PLCXD3: variants seen among roughly 807,000 people sequenced by gnomAD.
PLCXD3 encodes the protein phosphatidylinositol specific phospholipase C X domain containing 3.
Under a neutral mutation model 25.5 loss-of-function variants are expected in PLCXD3, and 19 were observed. That is an observed-to-expected ratio of 0.75 (90% CI 0.52 to 1.09). PLCXD3 has a LOEUF of 1.09. Ranked by LOEUF, PLCXD3 falls within the 50% of genes least tolerant of loss-of-function variation. PLCXD3 has a pLI of 0.00. For synonymous variants in PLCXD3, 174 were observed against 137.6 expected (o/e 1.26, Z -1.85); for missense variants, 411 against 388.1 (o/e 1.06, Z -0.50).
At chr5:41,368,868 G>A (rs964969462) in intron 2 of PLCXD3, among the ~76,000 whole-genome samples, 1 of 152,148 alleles carries the variant, frequency 6.6e-6, no homozygotes, top group African/African-American at 2.4e-5. Flanking sequence ...TTGCTAACTG[G>A]AGTAGAAAAT....
At chr5:41,343,005 T>C (rs1433875502) in intron 2 of PLCXD3, among the ~76,000 whole-genome samples, 3 of 152,154 alleles carry the variant, frequency 2.0e-5, no homozygotes, top group Non-Finnish European at 4.4e-5. Context: ...AAAAATCTAA[T>C]TGTTTGAATG....
intron 2 of PLCXD3, among the ~76,000 whole-genome samples, chr5:41,377,659 C>T (rs976974329): frequency 6.6e-6 from 1 of 152,004 alleles, no homozygotes; most frequent in African/African-American, 2.4e-5. Flanking sequence ...AACGAATCTG[C>T]AGTATTTAGA....
intron 2 of PLCXD3, among the ~76,000 whole-genome samples, chr5:41,342,904 T>C (rs1464801812): frequency 6.6e-6 from 1 of 152,272 alleles, no homozygotes; most frequent in South Asian, 2.1e-4. Context: ...ATAGGCCTTG[T>C]ATCTAAGAAG....
chr5:41,507,976 T>C (rs1749088911), intron 1 of PLCXD3, among the ~76,000 whole-genome samples: 1 of 152,232 alleles, frequency 6.6e-6, no homozygotes, highest in Non-Finnish European at 1.5e-5. Context: ...TGCAAAAAGG[T>C]GCCAAACCTG....
intron 1 of PLCXD3, among the ~76,000 whole-genome samples, chr5:41,498,313 T>C (rs1329710317): frequency 6.6e-6 from 1 of 151,278 alleles, no homozygotes; most frequent in Non-Finnish European, 1.5e-5. Context: ...AACACTCAAA[T>C]AAACAAAATC....
chr5:41,497,943 C>G (rs1161399568), intron 1 of PLCXD3, among the ~76,000 whole-genome samples: 2 of 151,510 alleles, frequency 1.3e-5, no homozygotes, highest in Non-Finnish European at 3.0e-5. Context: ...CCTTTAACAA[C>G]CAATTGGTCA....
At chr5:41,379,547 G>A (rs1202736551) in intron 2 of PLCXD3, among the ~76,000 whole-genome samples, 1 of 152,002 alleles carries the variant, frequency 6.6e-6, no homozygotes, top group Non-Finnish European at 1.5e-5. Flanking sequence ...AAGAAAAGAA[G>A]TGAAAAATGG....
intron 1 of PLCXD3, among the ~76,000 whole-genome samples, chr5:41,484,350 T>C (rs1229577503): frequency 6.6e-6 from 1 of 152,130 alleles, no homozygotes; most frequent in African/African-American, 2.4e-5. Flanking sequence ...TTTAAGTTAC[T>C]GTATGCATTA....
intron 2 of PLCXD3, among the ~76,000 whole-genome samples, chr5:41,337,180 G>A (rs1267238951): frequency 1.3e-5 from 2 of 152,110 alleles, no homozygotes; most frequent in African/African-American, 2.4e-5. Context: ...ACATACCCAC[G>A]TGGGTACCTC....
chr5:41,413,102 A>T (rs1161415161), intron 1 of PLCXD3, among the ~76,000 whole-genome samples: 1 of 152,250 alleles, frequency 6.6e-6, no homozygotes, highest in Non-Finnish European at 1.5e-5. Context: ...TACTAGAATT[A>T]TATGTTTAAC....
At chr5:41,500,470 C>A (rs1340771850) in intron 1 of PLCXD3, among the ~76,000 whole-genome samples, 1 of 151,700 alleles carries the variant, frequency 6.6e-6, no homozygotes, top group African/African-American at 2.4e-5. Flanking sequence ...TTAATGGGTA[C>A]AATGTATATT....
rs373244601 is a variant in PLCXD3 at position 41,428,374 on chromosome 5, G to GTTTTTTTTTTTTTTT, written c.104-45841_104-45840insAAAAAAAAAAAAAAA. Reference sequence around the variant, plus strand: ...TAAAGAGGTGATTAAGTTAAAATGAGTTTTTTTGTTTTTGTTTTTGTTTTT... The same window carrying GTTTTTTTTTTTTTTT: ...TAAAGAGGTGATTAAGTTAAAATGAGTTTTTTTTTTTTTTTTTTTTTTGTTTTTGTTTTTGTTTTT... On this transcript the variant is annotated intron_variant, in intron 1 of 2. Coordinates refer to ENST00000377801, the MANE Select transcript of PLCXD3 (RefSeq NM_001005473.3). Among the ~76,000 whole-genome samples, 4 of 91,598 alleles carry GTTTTTTTTTTTTTTT rather than the reference G, an allele frequency of 4.4e-5. 1 individual carries two copies. The highest frequency in any genetic ancestry group is 4.6e-5 in the Non-Finnish European group (2 of 43,082). The allele number at this position is 91,598 out of a possible 152,430, so 60.1% of individuals were successfully genotyped here.
intron 2 of PLCXD3, among the ~76,000 whole-genome samples, chr5:41,353,347 C>T (rs911734851): frequency 2.0e-5 from 3 of 151,998 alleles, no homozygotes; most frequent in Middle Eastern, 3.4e-3. Context: ...ATGATCTGCC[C>T]GCCTCGGCCT....
At chr5:41,495,295 A>G (rs963935703) in intron 1 of PLCXD3, among the ~76,000 whole-genome samples, 5 of 152,198 alleles carry the variant, frequency 3.3e-5, no homozygotes, top group African/African-American at 1.2e-4. Context: ...AGCTAATGAG[A>G]CCCAGAGTAT....
At chr5:41,384,915 C>T (rs1187611629) in intron 1 of PLCXD3, among the ~76,000 whole-genome samples, 1 of 151,896 alleles carries the variant, frequency 6.6e-6, no homozygotes, top group Non-Finnish European at 1.5e-5. Flanking sequence ...CACAGCACCT[C>T]GTATAAAATG....
At chr5:41,435,438 T>G (rs2150509958) in intron 1 of PLCXD3, among the ~76,000 whole-genome samples, 1 of 152,302 alleles carries the variant, frequency 6.6e-6, no homozygotes, top group East Asian at 1.9e-4. Context: ...GTGTGATAGC[T>G]GAGGTTCACG....
In PLCXD3 at chr5:41,331,300, TAACA is replaced by T. The variant is rs1339246140; in HGVS notation, c.813-17534_813-17531del. Reference sequence around the variant, plus strand: ...AATCACAAGCATTCTTATACACCAATAACAAACAGAGAGCCAAATCATGAGTGAA... The same window carrying T: ...AATCACAAGCATTCTTATACACCAATAACAGAGAGCCAAATCATGAGTGAA... On this transcript the variant is annotated intron_variant, in intron 2 of 2. Coordinates refer to ENST00000377801, the MANE Select transcript of PLCXD3 (RefSeq NM_001005473.3). Among the ~76,000 whole-genome samples, 64 of 150,938 alleles carry T rather than the reference TAACA, an allele frequency of 4.2e-4. 1 individual carries two copies. Among genetic ancestry groups the T allele is most frequent in the African/African-American group, 1.5e-3 (60 of 41,336 alleles).
At chr5:41,363,021 T>A (rs1273625478) in intron 2 of PLCXD3, among the ~76,000 whole-genome samples, 1 of 152,210 alleles carries the variant, frequency 6.6e-6, no homozygotes, top group Non-Finnish European at 1.5e-5. Context: ...CCATAGAAAC[T>A]GTCATTGTTA....
At chr5:41,319,683 A>G (rs1210197715) in intron 2 of PLCXD3, among the ~76,000 whole-genome samples, 1 of 152,146 alleles carries the variant, frequency 6.6e-6, no homozygotes, top group East Asian at 1.9e-4. Flanking sequence ...TAAACAATCT[A>G]ATGATGCATC....
Sources: gnomAD v4.1 joint callset for allele counts (sites outside exome capture counted in the v4.1 genomes callset) on GRCh38, gnomAD v4.1.1 for gene constraint, MANE v1.5 for transcripts, NCBI Gene and HGNC (gene_info 2026-07-23, HGNC 2026-07-21) for gene names.